RETREG3: variants seen among roughly 807,000 people sequenced by gnomAD.
RETREG3 encodes the protein reticulophagy regulator family member 3.
In RETREG3, 23 loss-of-function variants were observed where a neutral mutation model predicts 50.2. The observed-to-expected ratio is 0.46, with a 90% CI of 0.33 to 0.65. RETREG3 has a LOEUF of 0.65. Ranked by LOEUF, RETREG3 falls within the 30% of genes least tolerant of loss-of-function variation. RETREG3 has a pLI of 0.02. For synonymous variants in RETREG3, 240 were observed against 234.4 expected (o/e 1.02, Z -0.22); for missense variants, 546 against 598.0 (o/e 0.91, Z 0.91).
chr17:42,589,671 C>T (rs1021291402), intron 2 of RETREG3, among the ~76,000 whole-genome samples: 6 of 152,170 alleles, frequency 3.9e-5, no homozygotes, highest in Non-Finnish European at 5.9e-5. Flanking sequence ...TTGGCTCAAG[C>T]AATTCTCCTG....
chr17:42,594,009 G>A (rs1005171236), intron 1 of RETREG3, among the ~76,000 whole-genome samples: 5 of 152,050 alleles, frequency 3.3e-5, no homozygotes, highest in Non-Finnish European at 5.9e-5. Flanking sequence ...TCGGCAACAT[G>A]GGGAAACACC....
chr17:42,581,881 C>T lies in RETREG3; in HGVS notation c.1333G>A (p.Asp445Asn), dbSNP rs2093109557. The change falls in exon 9 of 9, where the codon GAT (aspartate) becomes AAT (asparagine). Residue 445 changes from aspartate to asparagine, a missense_variant. By Grantham distance (23) the Asp-to-Asn change is conservative. Transcript: ENST00000309428. ...GACTGGTCCAGAAGTTCAAAGTCAT[C>T]CCCCTCAGCATCAGTGTCCAGGTCT... ...SSDLDTDAEG[D>N]DFELLDQSEL... The T allele has an allele frequency of 6.2e-7, 1 of 1,613,360 alleles. No homozygotes were observed. Among genetic ancestry groups the T allele is most frequent in the Non-Finnish European group, 8.5e-7 (1 of 1,179,430 alleles).
intron 1 of RETREG3, 190 bp downstream of exon 1, chr17:42,608,896 T>C (rs1003650364): frequency 1.7e-6 from 1 of 593,382 alleles, no homozygotes; most frequent in African/African-American, 1.9e-5. Context: ...AGAAGATGGG[T>C]GGACGGCCCT....
intron 1 of RETREG3, among the ~76,000 whole-genome samples, chr17:42,601,137 C>A (rs2093157561): frequency 6.6e-6 from 1 of 152,102 alleles, no homozygotes; most frequent in East Asian, 1.9e-4. Flanking sequence ...ATTAGCTAGG[C>A]ATGGTGGCGG....
At chr17:42,601,082 C>A (rs1337093286) in intron 1 of RETREG3, among the ~76,000 whole-genome samples, 2 of 152,122 alleles carry the variant, frequency 1.3e-5, no homozygotes, top group African/African-American at 4.8e-5. Flanking sequence ...TCAAGACCAG[C>A]CTGGCCAACA....
At chr17:42,586,979 A>G in intron 3 of RETREG3, 88 bp from the exon 4 acceptor site, 1 of 1,561,570 alleles carries the variant, frequency 6.4e-7, no homozygotes, top group Non-Finnish European at 8.7e-7. Flanking sequence ...TTCCGGTTTT[A>G]AATGGGGTTT....
chr17:42,582,605 C>T, intron 8 of RETREG3, 69 bp downstream of exon 8: 3 of 1,597,408 alleles, frequency 1.9e-6, no homozygotes, highest in Non-Finnish European at 1.7e-6. Flanking sequence ...ACCAGTATCC[C>T]CTCTGTTCAG....
At chr17:42,601,411 A>C (rs2093158160) in intron 1 of RETREG3, among the ~76,000 whole-genome samples, 1 of 151,002 alleles carries the variant, frequency 6.6e-6, no homozygotes, top group Non-Finnish European at 1.5e-5. Flanking sequence ...GCTCTACTAA[A>C]AAATACAAAA....
chr17:42,601,527 C>T (rs1336886623), intron 1 of RETREG3, among the ~76,000 whole-genome samples: 3 of 127,224 alleles, frequency 2.4e-5, no homozygotes, highest in East Asian at 5.5e-4. Context: ...GAGCCGAGAT[C>T]GCGCCACTGC....
At chr17:42,584,815 C>CAAA (rs71157643) in intron 6 of RETREG3, among the ~76,000 whole-genome samples, 60 of 82,468 alleles carry the variant, frequency 7.3e-4, no homozygotes, top group East Asian at 1.2e-3. Flanking sequence ...GACCCTGTCT[C>CAAA]AAAAAAAAAA....
intron 1 of RETREG3, among the ~76,000 whole-genome samples, chr17:42,602,194 G>C (rs1390675309): frequency 1.3e-5 from 2 of 151,898 alleles, no homozygotes; most frequent in African/African-American, 4.8e-5. Flanking sequence ...GTGCACGCCG[G>C]TAGTCCCAGC....
intron 2 of RETREG3, among the ~76,000 whole-genome samples, chr17:42,590,810 T>C (rs1597735816): frequency 6.6e-6 from 1 of 151,830 alleles, no homozygotes; most frequent in Non-Finnish European, 1.5e-5. Context: ...CTAACAAAAA[T>C]ACAAAAATTA....
In RETREG3 at chr17:42,581,961, G is replaced by A. The variant is rs1299927810; in HGVS notation, c.1253C>T (p.Pro418Leu). 1.9e-6 allele frequency: 3 copies of A among 1,614,166 alleles called. No individual in the cohort carries two copies. The highest frequency in any genetic ancestry group is 2.5e-6 in the Non-Finnish European group (3 of 1,180,038). The change falls in exon 9 of 9, where the codon CCT becomes CTT. Residue 418 changes from proline to leucine, a missense_variant. Transcript: ENST00000309428. ...LALSGASQPG[P>L]SGAPAQRATR... ...TGCTCTCTGGGCAGGTGCTCCAGAA[G>A]GGCCTGGTTGGGAGGCCCCTGACAA...
chr17:42,587,710 T>G, intron 3 of RETREG3, 124 bp downstream of exon 3: 1 of 1,173,760 alleles, frequency 8.5e-7, no homozygotes, highest in Non-Finnish European at 1.3e-6. Flanking sequence ...AAATGATCAT[T>G]TGGAACAGCC....
intron 1 of RETREG3, among the ~76,000 whole-genome samples, chr17:42,607,478 T>G (rs1347337726): frequency 3.1e-5 from 3 of 96,320 alleles, no homozygotes; most frequent in African/African-American, 1.3e-4. Flanking sequence ...CCAGCCTGGG[T>G]GATAGAGCAA....
Position 42,582,058 on chromosome 17 carries a change from C to G in RETREG3, c.1156G>C (p.Ala386Pro). The change falls in exon 9 of 9, where the codon GCT (alanine) becomes CCT (proline). Residue 386 changes from alanine (A) to proline (P), a missense_variant. Physicochemically the swap from Ala to Pro is conservative, Grantham distance 27. Transcript: ENST00000309428. The stretch of plus-strand genomic sequence containing the variant: ...GTGAGGTTGGATCCTACAGGAAGAG[C>G]ACCAAGCAGGAGCTCCGGCAGCGCA... ...EAALPELLLG[A>P]LPVGSNLTSN... The G allele has an allele frequency of 6.2e-7, 1 of 1,614,116 alleles. No homozygotes were observed. Among genetic ancestry groups the G allele is most frequent in the Non-Finnish European group, 8.5e-7 (1 of 1,180,020 alleles).
chr17:42,602,279 T>C (rs1208315579), intron 1 of RETREG3, among the ~76,000 whole-genome samples: 1 of 151,226 alleles, frequency 6.6e-6, no homozygotes, highest in East Asian at 1.9e-4. Flanking sequence ...ATCATGCCAC[T>C]GCACTCCAGT....
chr17:42,603,344 A>T (rs2093161829), intron 1 of RETREG3, among the ~76,000 whole-genome samples: 1 of 152,228 alleles, frequency 6.6e-6, no homozygotes, highest in Non-Finnish European at 1.5e-5. Flanking sequence ...ACTTCAAAAC[A>T]AAGCATCCCA....
At chr17:42,609,420 G>A, upstream of RETREG3, 1 of 1,369,238 alleles carries the variant, frequency 7.3e-7, no homozygotes, top group South Asian at 1.4e-5. Context: ...AGGTGGCTTC[G>A]CACCACAGCG....
Sources: allele counts gnomAD v4.1 joint callset (sites outside exome capture counted in the v4.1 genomes callset), GRCh38; gene constraint gnomAD v4.1.1; transcripts MANE v1.5; gene names NCBI Gene and HGNC (gene_info 2026-07-23, HGNC 2026-07-21).